Variants in SMYD3 observed in about 807,000 individuals in gnomAD.
SMYD3 encodes histone-lysine N-methyltransferase SMYD3.
In SMYD3, 36 loss-of-function variants were observed where a neutral mutation model predicts 57.7. The ratio of observed to expected loss-of-function variants is 0.62; its 90% confidence interval spans 0.48 to 0.82. SMYD3 has a LOEUF of 0.82. Among genes scored for constraint, SMYD3 ranks in the 40% least tolerant of loss-of-function variants. The pLI is 0.00. For missense variants in SMYD3, 515 were observed against 538.8 expected (o/e 0.96, Z 0.44); for synonymous variants, 211 against 195.0 (o/e 1.08, Z -0.68).
chr1:245,794,064 A>G (rs2047419223), intron 10 of SMYD3, among the ~76,000 whole-genome samples: 1 of 152,204 alleles, frequency 6.6e-6, no homozygotes, highest in Non-Finnish European at 1.5e-5. Flanking sequence ...GTATGGTGAT[A>G]TATGTGGATT....
intron 8 of SMYD3, among the ~76,000 whole-genome samples, chr1:245,895,624 G>A (rs1558468918): frequency 2.6e-5 from 4 of 152,120 alleles, no homozygotes; most frequent in Admixed American, 2.0e-4. Flanking sequence ...TAACTTTTGC[G>A]CTAACATTCT....
intron 5 of SMYD3, among the ~76,000 whole-genome samples, chr1:245,941,453 A>T (rs963400503): frequency 6.6e-6 from 1 of 152,188 alleles, no homozygotes; most frequent in Non-Finnish European, 1.5e-5. Flanking sequence ...AGCCCATCAG[A>T]CTAACAGCAG....
chr1:246,482,059 A>T (rs192495896), intron 1 of SMYD3, among the ~76,000 whole-genome samples: 64 of 151,928 alleles, frequency 4.2e-4, no homozygotes, highest in African/African-American at 1.4e-3. Context: ...TGGGAAGGCT[A>T]AGGTAGGAGG....
At chr1:246,190,283 T>C (rs2062711985) in intron 5 of SMYD3, among the ~76,000 whole-genome samples, 1 of 152,170 alleles carries the variant, frequency 6.6e-6, no homozygotes, top group Admixed American at 6.5e-5. Context: ...AGAGTTTTAT[T>C]TCAGCATTAG....
At chr1:246,077,075 G>T (rs10924491) in intron 5 of SMYD3, among the ~76,000 whole-genome samples, 1 of 152,006 alleles carries the variant, frequency 6.6e-6, no homozygotes, top group African/African-American at 2.4e-5. Flanking sequence ...GGGAAGTGTA[G>T]GACAATTCAG....
At chr1:246,240,166 CT>C (rs1363674249) in intron 5 of SMYD3, among the ~76,000 whole-genome samples, 2 of 151,962 alleles carry the variant, frequency 1.3e-5, no homozygotes, top group Admixed American at 1.3e-4. Flanking sequence ...GTCCTTGCCC[CT>C]CCCTAGGTCC....
intron 1 of SMYD3, among the ~76,000 whole-genome samples, chr1:246,382,219 G>A (rs1244448953): frequency 6.6e-6 from 1 of 152,056 alleles, no homozygotes; most frequent in African/African-American, 2.4e-5. Flanking sequence ...GCCCAACGCA[G>A]GCTCCAGGCC....
chr1:245,927,994 C>T lies in SMYD3; in HGVS notation c.639G>A (p.Ser213=), dbSNP rs745405067. The T allele has an allele frequency of 3.5e-5, 56 of 1,612,352 alleles. No individual in the cohort carries two copies. The South Asian group carries it at 5.3e-4, about 15-fold the overall frequency. Residue 213 remains serine (S), a synonymous_variant, in exon 7 of 12, where the codon TCG becomes TCA. Coordinates refer to ENST00000490107, the MANE Select transcript of SMYD3 (RefSeq NM_001167740.2). ...AGAGGTGGGGCCCATTGAACACAAT[C>T]GAACAGTTGGGGTCACAGCTGTGAT... The part of the protein sequence containing the change: ...LLNHSCDPNC[S]IVFNGPHLLL...
At chr1:246,058,577 T>G (rs1022178097) in intron 5 of SMYD3, among the ~76,000 whole-genome samples, 9 of 152,246 alleles carry the variant, frequency 5.9e-5, no homozygotes, top group African/African-American at 2.2e-4. Flanking sequence ...AATAAAAATT[T>G]TACACTTTCT....
intron 10 of SMYD3, among the ~76,000 whole-genome samples, chr1:245,830,540 T>C (rs988562857): frequency 6.6e-6 from 1 of 152,204 alleles, no homozygotes; most frequent in Non-Finnish European, 1.5e-5. Flanking sequence ...CTTATCAGTG[T>C]GTGGGTAGGC....
intron 5 of SMYD3, among the ~76,000 whole-genome samples, chr1:246,001,687 C>T (rs2059048798): frequency 6.6e-6 from 1 of 152,188 alleles, no homozygotes; most frequent in Admixed American, 6.5e-5. Context: ...TTCCATGATC[C>T]TCTTTTTGAA....
chr1:245,906,044 A>G (rs918451400), intron 8 of SMYD3, among the ~76,000 whole-genome samples: 1 of 152,240 alleles, frequency 6.6e-6, no homozygotes, highest in Non-Finnish European at 1.5e-5. Context: ...AAACTACTAC[A>G]AGAAAATATT....
intron 5 of SMYD3, among the ~76,000 whole-genome samples, chr1:246,288,914 G>A (rs1009902799): frequency 1.3e-5 from 2 of 152,074 alleles, no homozygotes; most frequent in Non-Finnish European, 2.9e-5. Context: ...AGGAACTTGA[G>A]ACCAGCTTGG....
At chr1:245,932,424 G>A (rs140036197) in intron 5 of SMYD3, among the ~76,000 whole-genome samples, 57 of 152,202 alleles carry the variant, frequency 3.7e-4, no homozygotes, top group African/African-American at 1.4e-3. Context: ...TTATCATACT[G>A]GATCATTATT....
intron 5 of SMYD3, among the ~76,000 whole-genome samples, chr1:245,977,122 G>T (rs148393694): frequency 7.0e-4 from 106 of 152,186 alleles, no homozygotes; most frequent in African/African-American, 2.5e-3. Context: ...TTGACCCCTT[G>T]AATCCATTCT....
intron 5 of SMYD3, among the ~76,000 whole-genome samples, chr1:246,028,164 C>A (rs548368404): frequency 6.6e-6 from 1 of 152,258 alleles, no homozygotes; most frequent in East Asian, 1.9e-4. Flanking sequence ...CCTAGACATA[C>A]ACAACCTACC....
At chr1:246,498,806 C>T (rs2068410841) in intron 1 of SMYD3, among the ~76,000 whole-genome samples, 1 of 151,554 alleles carries the variant, frequency 6.6e-6, no homozygotes, top group Admixed American at 6.6e-5. Context: ...GAACCAGACG[C>T]TACGGTCTGA....
In SMYD3 at chr1:245,761,873, C is replaced by T. The variant is rs184028467; in HGVS notation, c.1185+2168G>A. Among the ~76,000 whole-genome samples, 26 of 148,540 alleles carry T rather than the reference C, an allele frequency of 1.8e-4. No individual in the cohort carries two copies. In the East Asian group the frequency reaches 4.8e-3, roughly 27 times the overall value. Reference sequence around the variant, plus strand: ...CAATCTTGGCTCACTGTAACCTCTGCCGCCTGGGTTAAAGCGATTCTCTCA... The same window carrying T: ...CAATCTTGGCTCACTGTAACCTCTGTCGCCTGGGTTAAAGCGATTCTCTCA... On this transcript the variant is annotated intron_variant, in intron 11 of 11. Transcript: ENST00000490107.
intron 1 of SMYD3, among the ~76,000 whole-genome samples, chr1:246,397,654 G>A (rs183712501): frequency 6.6e-6 from 1 of 152,266 alleles, no homozygotes; most frequent in East Asian, 1.9e-4. Flanking sequence ...AGCTGATTCA[G>A]AGACAACAGT....
Sources: allele counts gnomAD v4.1 joint callset (sites outside exome capture counted in the v4.1 genomes callset), GRCh38; gene constraint gnomAD v4.1.1; transcripts MANE v1.5; gene names NCBI Gene and HGNC (gene_info 2026-07-23, HGNC 2026-07-21).